CADPS2: variants seen among roughly 807,000 people sequenced by gnomAD.
CADPS2 encodes the protein calcium-dependent secretion activator 2.
In CADPS2, 93 loss-of-function variants were observed where a neutral mutation model predicts 172.5. The ratio of observed to expected loss-of-function variants is 0.54; its 90% CI spans 0.46 to 0.64. The LOEUF (loss-of-function observed/expected upper bound fraction) is 0.64, where lower values mean the gene tolerates loss of function less well. Ranked by LOEUF, CADPS2 falls within the 30% of genes least tolerant of loss-of-function variation. The pLI, the probability that CADPS2 is intolerant of heterozygous loss-of-function variation, is 0.00. For synonymous variants in CADPS2, 546 were observed against 555.2 expected (o/e 0.98, Z 0.23); for missense variants, 1,420 against 1,565.9 (o/e 0.91, Z 1.57).
intron 1 of CADPS2, among the ~76,000 whole-genome samples, chr7:122,817,582 G>A (rs1801845394): frequency 6.6e-6 from 1 of 152,230 alleles, no homozygotes; most frequent in Admixed American, 6.5e-5. Context: ...AAAGGTGTCA[G>A]ACCACCCAGG....
chr7:122,668,898 C>T (rs758223738), intron 2 of CADPS2, among the ~76,000 whole-genome samples: 12 of 152,158 alleles, frequency 7.9e-5, no homozygotes, highest in South Asian at 2.1e-4. Flanking sequence ...TTTTTGTTTC[C>T]GCATATAACA....
intron 2 of CADPS2, chr7:122,698,791 T>A: frequency 6.2e-7 from 1 of 1,613,974 alleles, no homozygotes. Context: ...AAATGATATG[T>A]TCATATAAGC....
intron 5 of CADPS2, 68 bp downstream of exon 5, chr7:122,621,412 AG>A (rs2133992270): frequency 1.0e-6 from 1 of 1,004,186 alleles, no homozygotes; most frequent in East Asian, 2.4e-5. Flanking sequence ...GTTACTGCAA[AG>A]GTCAACAGAA....
intron 15 of CADPS2, among the ~76,000 whole-genome samples, chr7:122,444,039 T>C (rs1040125500): frequency 2.0e-5 from 3 of 152,154 alleles, no homozygotes; most frequent in South Asian, 2.1e-4. Flanking sequence ...TTAGTTTGTA[T>C]GTCTAGAATT....
At chr7:122,752,843 G>A (rs37908) in intron 1 of CADPS2, among the ~76,000 whole-genome samples, 66,154 of 151,934 alleles carry the variant, frequency 0.44, 16,892 homozygotes, top group African/African-American at 0.72. Context: ...GACGCATCAA[G>A]TAATAATTTT....
chr7:122,499,791 T>C (rs1024532788), intron 9 of CADPS2, among the ~76,000 whole-genome samples: 9 of 152,068 alleles, frequency 5.9e-5, no homozygotes, highest in African/African-American at 2.2e-4. Context: ...CTCTACAAAG[T>C]AATACTTTTA....
chr7:122,878,772 T>C lies in CADPS2; in HGVS notation c.339+7227A>G, dbSNP rs78302627. On this transcript the variant is annotated intron_variant, in intron 1 of 29. Transcript: ENST00000449022. Reference sequence around the variant, plus strand: ...CTTATAGACATACAACCTGTAATTATTGAACATTAGCCCACAAGGGGATTA... The same window carrying C: ...CTTATAGACATACAACCTGTAATTACTGAACATTAGCCCACAAGGGGATTA... 6.2e-3 allele frequency among the ~76,000 whole-genome samples: 943 copies of C among 152,222 alleles called. 10 individuals carry two copies. Among genetic ancestry groups the C allele is most frequent in the African/African-American group, 0.022 (904 of 41,556 alleles).
At chr7:122,843,352 G>GA (rs1811104982) in intron 1 of CADPS2, among the ~76,000 whole-genome samples, 1 of 151,966 alleles carries the variant, frequency 6.6e-6, no homozygotes, top group Non-Finnish European at 1.5e-5. Context: ...TGCCACAGTG[G>GA]AAAAAAGGTA....
At chr7:122,596,853 C>A (rs1279479532) in intron 6 of CADPS2, among the ~76,000 whole-genome samples, 1 of 151,994 alleles carries the variant, frequency 6.6e-6, no homozygotes, top group Non-Finnish European at 1.5e-5. Context: ...TAAAGAAATA[C>A]CTGAGACTGT....
intron 1 of CADPS2, among the ~76,000 whole-genome samples, chr7:122,786,331 C>T (rs73718004): frequency 0.016 from 2,454 of 152,246 alleles, 63 homozygotes; most frequent in African/African-American, 0.056. Context: ...GAATTAAGCA[C>T]AGTCAAGACA....
At chr7:122,465,294 T>C (rs994078722) in intron 14 of CADPS2, among the ~76,000 whole-genome samples, 2 of 152,150 alleles carry the variant, frequency 1.3e-5, no homozygotes, top group Non-Finnish European at 2.9e-5. Flanking sequence ...CAAGAATAAA[T>C]AGAAAGCCTG....
chr7:122,389,711 T>C (rs568960287), intron 22 of CADPS2, among the ~76,000 whole-genome samples: 1 of 152,146 alleles, frequency 6.6e-6, no homozygotes, highest in Admixed American at 6.6e-5. Flanking sequence ...AAAAAAAAGC[T>C]GCTGTATGAT....
chr7:122,493,151 T>A (rs1469108279), intron 9 of CADPS2, among the ~76,000 whole-genome samples: 1 of 152,076 alleles, frequency 6.6e-6, no homozygotes, highest in South Asian at 2.1e-4. Context: ...AAAACATATA[T>A]TCAATCAATA....
At chr7:122,373,860 A>G (rs1345029222) in intron 25 of CADPS2, among the ~76,000 whole-genome samples, 39 of 151,654 alleles carry the variant, frequency 2.6e-4, no homozygotes, top group Admixed American at 2.6e-3. Context: ...AACACTACCA[A>G]AAAAAACCCC....
Position 122,823,098 on chromosome 7 carries a change from T to C in CADPS2, c.339+62901A>G, listed in dbSNP as rs969363084. On this transcript the variant is annotated intron_variant, in intron 1 of 29. Transcript: ENST00000449022. ...ATTTTTTCATATACCTCTGGGACATTTGCATGTCTTCTTTTTGAGAAAAGT... is the reference window on the plus strand; with the variant it reads ...ATTTTTTCATATACCTCTGGGACATCTGCATGTCTTCTTTTTGAGAAAAGT... Among the ~76,000 whole-genome samples the C allele has an allele frequency of 5.3e-5, 8 of 152,356 alleles. No individual in the cohort carries two copies. In the East Asian group the frequency reaches 5.8e-4, roughly 11 times the overall value.
chr7:122,487,408 A>G (rs969790028), intron 11 of CADPS2, among the ~76,000 whole-genome samples: 3 of 152,192 alleles, frequency 2.0e-5, no homozygotes, highest in African/African-American at 7.2e-5. Flanking sequence ...TGAACCCACA[A>G]TATCTCCTAG....
intron 1 of CADPS2, among the ~76,000 whole-genome samples, chr7:122,757,030 T>C (rs1414512383): frequency 6.6e-6 from 1 of 152,112 alleles, no homozygotes; most frequent in Non-Finnish European, 1.5e-5. Context: ...CAATGATAAG[T>C]GTGAGTGCTA....
At chr7:122,455,906 T>C (rs1294786832) in intron 14 of CADPS2, among the ~76,000 whole-genome samples, 1 of 152,008 alleles carries the variant, frequency 6.6e-6, no homozygotes, top group Admixed American at 6.6e-5. Flanking sequence ...AGGTTTCAAG[T>C]TGGCCAGGCT....
At chr7:122,656,291 T>C (rs1487742878) in intron 3 of CADPS2, among the ~76,000 whole-genome samples, 1 of 152,068 alleles carries the variant, frequency 6.6e-6, no homozygotes, top group Non-Finnish European at 1.5e-5. Context: ...GAGAAAGCCA[T>C]TGTTCAATCT....
Sources: allele counts gnomAD v4.1 joint callset (sites outside exome capture counted in the v4.1 genomes callset), GRCh38; gene constraint gnomAD v4.1.1; transcripts MANE v1.5; gene names NCBI Gene and HGNC (gene_info 2026-07-23, HGNC 2026-07-21).